Variants in ANKFN1 observed in about 807,000 individuals in gnomAD.
ANKFN1 encodes ankyrin repeat and fibronectin type III domain containing 1, also known as ankyrin repeat and fibronectin type-III domain-containing protein 1.
Under a neutral mutation model 108.7 loss-of-function variants are expected in ANKFN1, and 74 were observed. That is an observed-to-expected ratio of 0.68 (90% confidence interval 0.56 to 0.83). The LOEUF (loss-of-function observed/expected upper bound fraction) is 0.83. Ranked by LOEUF, ANKFN1 falls within the 40% of genes least tolerant of loss-of-function variation. The probability of loss-of-function intolerance (pLI) is 0.00; values close to 1 mark genes in which losing one functional copy is unlikely to be tolerated. For missense variants in ANKFN1, 1,505 were observed against 1,382.3 expected (o/e 1.09, Z -1.41); for synonymous variants, 547 against 516.2 (o/e 1.06, Z -0.81).
At chr17:56,266,049 A>C (rs1200758388) in intron 3 of ANKFN1, among the ~76,000 whole-genome samples, 1 of 152,176 alleles carries the variant, frequency 6.6e-6, no homozygotes, top group Non-Finnish European at 1.5e-5. Flanking sequence ...ACCAGAGTAG[A>C]TAACTTTTAT....
In ANKFN1 at chr17:56,371,264, A is replaced by G. The variant is rs561243497; in HGVS notation, c.602-1382A>G. Reference sequence around the variant, plus strand: ...TGTTCTAAACAGCAACTTTAAAAAGAAAGAAGAAAGAAAGAAAAAGAAAAA... The same window carrying G: ...TGTTCTAAACAGCAACTTTAAAAAGGAAGAAGAAAGAAAGAAAAAGAAAAA... On this transcript the variant is annotated intron_variant, in intron 6 of 20. Coordinates refer to ENST00000682825, the MANE Select transcript of ANKFN1 (RefSeq NM_001370326.1). Among the ~76,000 whole-genome samples, 6 of 152,308 alleles carry G rather than the reference A, an allele frequency of 3.9e-5. No individual in the cohort carries two copies. In the East Asian group the frequency reaches 9.6e-4, roughly 24 times the overall value.
intron 3 of ANKFN1, among the ~76,000 whole-genome samples, chr17:56,250,056 C>G (rs770911756): frequency 4.6e-5 from 7 of 152,084 alleles, no homozygotes; most frequent in Non-Finnish European, 1.0e-4. Flanking sequence ...CCTTGATACA[C>G]CCACCCCCAG....
At chr17:56,214,052 C>A (rs1915241609) in intron 2 of ANKFN1, among the ~76,000 whole-genome samples, 1 of 152,158 alleles carries the variant, frequency 6.6e-6, no homozygotes, top group African/African-American at 2.4e-5. Flanking sequence ...TGAGTGACCT[C>A]AGTGGCAATT....
chr17:56,194,372 T>G (rs899366848), intron 1 of ANKFN1, among the ~76,000 whole-genome samples: 3 of 152,310 alleles, frequency 2.0e-5, no homozygotes, highest in African/African-American at 7.2e-5. Flanking sequence ...AAGACATCCT[T>G]TAGTTTGTGA....
chr17:56,456,742 C>T, intron 11 of ANKFN1, 119 bp from the exon 12 acceptor site: 1 of 794,580 alleles, frequency 1.3e-6, no homozygotes, highest in Non-Finnish European at 2.1e-6. Flanking sequence ...CTACATGAAC[C>T]TGAGGATAAG....
At chr17:56,295,651 G>A (rs945975003) in intron 3 of ANKFN1, among the ~76,000 whole-genome samples, 1 of 152,166 alleles carries the variant, frequency 6.6e-6, no homozygotes, top group Admixed American at 6.5e-5. Context: ...GTCTTAGTCA[G>A]TTTTGTGCTG....
At chr17:56,063,760 A>G (rs936244289) in intron 4 of ANKFN1, among the ~76,000 whole-genome samples, 2 of 151,978 alleles carry the variant, frequency 1.3e-5, no homozygotes, top group East Asian at 3.9e-4. Flanking sequence ...CAATTCATCC[A>G]TCTCATTCTC....
At chr17:56,148,217 G>A (rs974140621) in intron 4 of ANKFN1, among the ~76,000 whole-genome samples, 2 of 152,194 alleles carry the variant, frequency 1.3e-5, no homozygotes, top group South Asian at 4.1e-4. Context: ...CTTAGCAGAT[G>A]TAAACATTGG....
rs1440625379 is a variant in ANKFN1 at position 56,350,865 on chromosome 17, G to A, written c.288G>A (p.Leu96=). The A allele has an allele frequency of 2.5e-6, 4 of 1,613,830 alleles. No individual in the cohort carries two copies. The highest frequency in any genetic ancestry group is 2.2e-5 in the East Asian group (1 of 44,844). ...CATCTCCCAACGCAGCCAAACGCCT[G>A]TACAGGAACCTCTCTGAGAAACTGA... is the stretch of plus-strand genomic sequence containing the variant. The part of the protein sequence containing the change: ...APSSPNAAKR[L]YRNLSEKLKG... The change falls in exon 5 of 21, where the codon CTG becomes CTA. Residue 96 remains leucine (L), a synonymous_variant. Transcript: ENST00000682825.
intron 4 of ANKFN1, among the ~76,000 whole-genome samples, chr17:56,063,135 CTTTCTCTCAGGCTGCCCTTAATA>C (rs1905004534): frequency 2.6e-5 from 4 of 152,108 alleles, no homozygotes; most frequent in African/African-American, 9.7e-5. Context: ...GTGACGTGGC[CTTTCTCTCAGGCTGCCCTTAATA>C]TTTTTCTCAG....
intron 1 of ANKFN1, among the ~76,000 whole-genome samples, chr17:56,165,490 G>T (rs971982302): frequency 6.6e-6 from 1 of 152,104 alleles, no homozygotes; most frequent in African/African-American, 2.4e-5. Context: ...ATGTTGTCTA[G>T]GTAACATGTT....
At chr17:56,416,674 C>T (rs2048249119) in intron 8 of ANKFN1, among the ~76,000 whole-genome samples, 1 of 152,176 alleles carries the variant, frequency 6.6e-6, no homozygotes, top group Admixed American at 6.5e-5. Context: ...AAAAATAGAG[C>T]TACCATACAG....
intron 4 of ANKFN1, among the ~76,000 whole-genome samples, chr17:56,337,923 A>G (rs1358584749): frequency 6.6e-6 from 1 of 152,208 alleles, no homozygotes; most frequent in Non-Finnish European, 1.5e-5. Context: ...AGAACTAGAA[A>G]TACCATTTGA....
At chr17:56,190,146 T>C (rs1022871993) in intron 1 of ANKFN1, among the ~76,000 whole-genome samples, 6 of 114,456 alleles carry the variant, frequency 5.2e-5, no homozygotes, top group African/African-American at 2.0e-4. Flanking sequence ...ATTTTGTTGA[T>C]CCTTTCAAAA....
At chr17:56,101,555 C>T (rs1347356459) in intron 4 of ANKFN1, among the ~76,000 whole-genome samples, 1 of 152,182 alleles carries the variant, frequency 6.6e-6, no homozygotes, top group Non-Finnish European at 1.5e-5. Context: ...GTGCTCTGTG[C>T]ACCAGTGCCA....
intron 1 of ANKFN1, among the ~76,000 whole-genome samples, chr17:56,176,492 A>C (rs1030419621): frequency 6.6e-6 from 1 of 152,236 alleles, no homozygotes; most frequent in African/African-American, 2.4e-5. Flanking sequence ...GAACCCATTC[A>C]ATGCGCACAA....
intron 8 of ANKFN1, among the ~76,000 whole-genome samples, chr17:56,414,319 T>C (rs1241667661): frequency 1.3e-5 from 2 of 152,036 alleles, no homozygotes; most frequent in East Asian, 3.9e-4. Context: ...AAAGAACAAA[T>C]ACAAAGCATA....
chr17:56,245,939 G>T (rs1051690231), intron 3 of ANKFN1: 2 of 152,072 alleles, frequency 1.3e-5, no homozygotes, highest in African/African-American at 2.4e-5. Flanking sequence ...CTACCAAAAG[G>T]TCAAAGAGAA....
At chr17:56,365,938 A>G (rs1005122381) in intron 6 of ANKFN1, among the ~76,000 whole-genome samples, 1 of 152,232 alleles carries the variant, frequency 6.6e-6, no homozygotes, top group Non-Finnish European at 1.5e-5. Context: ...TATTTAAAAA[A>G]TAATGGTTAA....
Sources: allele counts gnomAD v4.1 joint callset (sites outside exome capture counted in the v4.1 genomes callset), GRCh38; gene constraint gnomAD v4.1.1; transcripts MANE v1.5; gene names NCBI Gene and HGNC (gene_info 2026-07-23, HGNC 2026-07-21).